CNTN6: variants seen among roughly 807,000 people sequenced by gnomAD.
The protein encoded by CNTN6 is contactin 6, also known as contactin-6.
A neutral mutation model predicts 122.8 loss-of-function variants in CNTN6; 137 were observed. The observed-to-expected ratio is 1.12, with a 90% CI of 0.97 to 1.29. The LOEUF (loss-of-function observed/expected upper bound fraction) is 1.29. CNTN6 is among the 50% of genes most tolerant of loss of function. The probability of loss-of-function intolerance (pLI) is 0.00; values close to 1 mark genes in which losing one functional copy is unlikely to be tolerated. For missense variants in CNTN6, 1,634 were observed against 1,223.4 expected (o/e 1.34, Z -5.01); for synonymous variants, 570 against 426.0 (o/e 1.34, Z -4.16).
At chr3:1,106,038 A>G (rs1429902622) in intron 1 of CNTN6, among the ~76,000 whole-genome samples, 1 of 152,166 alleles carries the variant, frequency 6.6e-6, no homozygotes, top group Non-Finnish European at 1.5e-5. Context: ...TATTTATTTC[A>G]TCACTACAAA....
At chr3:1,402,197 T>G in intron 21 of CNTN6, 121 bp from the exon 22 acceptor site, 1 of 659,478 alleles carries the variant, frequency 1.5e-6, no homozygotes, top group Non-Finnish European at 2.4e-6. Context: ...CTTGGATATT[T>G]CCATCTGAGG....
intron 2 of CNTN6, among the ~76,000 whole-genome samples, chr3:1,171,546 C>CT (rs142511557): frequency 0.055 from 8,393 of 152,268 alleles, 337 homozygotes; most frequent in Non-Finnish European, 0.083. Flanking sequence ...GTTGTGACAA[C>CT]CAAAAACTGG....
In CNTN6 at chr3:1,383,352, G is replaced by T. The variant is rs540496170; in HGVS notation, c.2461G>T (p.Val821Phe). Residue 821 changes from valine (V) to phenylalanine (F), a missense_variant, in exon 19 of 23, where the codon GTT becomes TTT. Val to Phe is a conservative substitution (Grantham distance 50, BLOSUM62 -1). Coordinates refer to ENST00000446702, the MANE Select transcript of CNTN6 (RefSeq NM_001289080.2). ...LQSFSASEME[V>F]SWNAIAWNRN... ...GAGTTTTTCTGCTTCTGAAATGGAG[G>T]TTTCATGGAATGCTATTGCCTGGAA... 12 of 1,613,908 alleles carry T rather than the reference G, an allele frequency of 7.4e-6. No homozygotes were observed. Among genetic ancestry groups the T allele is most frequent in the Non-Finnish European group, 9.3e-6 (11 of 1,179,918 alleles).
intron 4 of CNTN6, among the ~76,000 whole-genome samples, chr3:1,273,557 C>T (rs1195574507): frequency 6.6e-6 from 1 of 152,136 alleles, no homozygotes; most frequent in Non-Finnish European, 1.5e-5. Flanking sequence ...GTACAATAGA[C>T]CTTGTTCAAA....
chr3:1,149,726 A>G (rs544641604), intron 2 of CNTN6, among the ~76,000 whole-genome samples: 1 of 152,270 alleles, frequency 6.6e-6, no homozygotes, highest in Admixed American at 6.5e-5. Flanking sequence ...GAGAAAACTC[A>G]TCAAGGTGCC....
intron 17 of CNTN6, among the ~76,000 whole-genome samples, chr3:1,382,600 TGA>T (rs879262844): frequency 2.6e-5 from 4 of 152,232 alleles, no homozygotes; most frequent in Non-Finnish European, 4.4e-5. Flanking sequence ...TAATTTGTGC[TGA>T]GTTTAAAAAT....
intron 7 of CNTN6, among the ~76,000 whole-genome samples, chr3:1,312,779 A>G (rs155412): frequency 0.33 from 50,086 of 150,680 alleles, 14,470 homozygotes; most frequent in African/African-American, 0.79. Context: ...TTAGAGCTCC[A>G]TGTCTGTGGA....
intron 2 of CNTN6, among the ~76,000 whole-genome samples, chr3:1,160,450 C>G (rs2093105801): frequency 6.7e-6 from 1 of 148,354 alleles, no homozygotes; most frequent in Non-Finnish European, 1.5e-5. Context: ...GAGATTCATC[C>G]AAGTTGTTGT....
chr3:1,359,961 T>TTCAA (rs1469598692), intron 12 of CNTN6, among the ~76,000 whole-genome samples: 1 of 152,086 alleles, frequency 6.6e-6, no homozygotes, highest in Non-Finnish European at 1.5e-5. Context: ...ATAGTCTCCC[T>TTCAA]TCAATATCAG....
At chr3:1,129,700 G>A (rs554557369) in intron 1 of CNTN6, among the ~76,000 whole-genome samples, 2 of 152,110 alleles carry the variant, frequency 1.3e-5, no homozygotes, top group Non-Finnish European at 2.9e-5. Context: ...GTCAATGTTG[G>A]TATATCCAAC....
At position 1,094,417 on chromosome 3, in the gene CNTN6, A is replaced by T. The variant is rs17838661; in HGVS notation, c.-83+1297A>T. On this transcript the variant is annotated intron_variant, in intron 1 of 22. Coordinates refer to ENST00000446702, the MANE Select transcript of CNTN6 (RefSeq NM_001289080.2). ...CAGTGGGGTTTCTTTTTCTTTTTTT[A>T]AGCAATAATCATGGCTGTGCAGTCC... Among the ~76,000 whole-genome samples the T allele has an allele frequency of 1.0e-2, 1,520 of 152,180 alleles. 23 individuals carry two copies. The highest frequency in any genetic ancestry group is 0.035 in the African/African-American group (1,453 of 41,558).
At chr3:1,142,968 G>GTGTATATATATA (rs1217250181) in intron 1 of CNTN6, among the ~76,000 whole-genome samples, 6 of 128,658 alleles carry the variant, frequency 4.7e-5, no homozygotes, top group African/African-American at 1.5e-4. Flanking sequence ...GTGTGTGTGT[G>GTGTATATATATA]TATATATATA....
chr3:1,370,362 C>T (rs888239372), intron 12 of CNTN6, among the ~76,000 whole-genome samples: 3 of 151,642 alleles, frequency 2.0e-5, no homozygotes, highest in African/African-American at 4.8e-5. Flanking sequence ...GTGTGGGGAG[C>T]GGGGAGGGAT....
chr3:1,215,263 G>A (rs747383207), intron 2 of CNTN6, among the ~76,000 whole-genome samples: 1 of 152,078 alleles, frequency 6.6e-6, no homozygotes, highest in Non-Finnish European at 1.5e-5. Context: ...TCTATAACTC[G>A]GTGACATCAA....
At chr3:1,203,526 A>G (rs2093914671) in intron 2 of CNTN6, among the ~76,000 whole-genome samples, 1 of 152,224 alleles carries the variant, frequency 6.6e-6, no homozygotes, top group Non-Finnish European at 1.5e-5. Flanking sequence ...AAAGCCATGG[A>G]TGATACACAT....
intron 4 of CNTN6, among the ~76,000 whole-genome samples, chr3:1,268,873 C>G (rs1395632337): frequency 6.6e-6 from 1 of 151,860 alleles, no homozygotes; most frequent in Non-Finnish European, 1.5e-5. Context: ...CCTAGCTACT[C>G]AGAAGGCTAA....
chr3:1,327,381 T>C (rs970642683), intron 9 of CNTN6, 76 bp from the exon 10 acceptor site: 2 of 1,406,766 alleles, frequency 1.4e-6, no homozygotes, highest in Non-Finnish European at 9.9e-7. Context: ...ACACAAATGT[T>C]GTTTAATAAC....
In CNTN6 at chr3:1,277,346, C is replaced by CTTTTTTTTTTTT. The variant is rs10599744; in HGVS notation, c.359-1047_359-1036dup. Among the ~76,000 whole-genome samples the CTTTTTTTTTTTT allele has an allele frequency of 1.0e-3, 80 of 80,172 alleles. 7 individuals are homozygous for CTTTTTTTTTTTT. Among genetic ancestry groups the CTTTTTTTTTTTT allele is most frequent in the East Asian group, 3.4e-3 (9 of 2,676 alleles). 52.6% of individuals were successfully genotyped at this position (80,172 alleles called of 152,430 possible). ...CTACTTCTGTCTTTTAGTAGGTTTTCTTTTTTTTTTTTTTTTTTTTTTTTT... is the reference window on the plus strand; with the variant it reads ...CTACTTCTGTCTTTTAGTAGGTTTTCTTTTTTTTTTTTTTTTTTTTTTTTTTTTTTTTTTTTT... On this transcript the variant is annotated intron_variant, in intron 4 of 22. Coordinates refer to ENST00000446702, the MANE Select transcript of CNTN6 (RefSeq NM_001289080.2).
intron 6 of CNTN6, among the ~76,000 whole-genome samples, chr3:1,296,303 T>C (rs1696224301): frequency 6.6e-6 from 1 of 152,048 alleles, no homozygotes. Flanking sequence ...CAACATTAAT[T>C]ATGAGCATTC....
Sources: gnomAD v4.1 joint callset for allele counts (sites outside exome capture counted in the v4.1 genomes callset) on GRCh38, gnomAD v4.1.1 for gene constraint, MANE v1.5 for transcripts, NCBI Gene and HGNC (gene_info 2026-07-23, HGNC 2026-07-21) for gene names.